NRXN3: variants seen among roughly 807,000 people sequenced by gnomAD.
NRXN3 encodes the protein neurexin III.
In NRXN3, 32 loss-of-function variants were observed where a neutral mutation model predicts 137.6. The ratio of observed to expected loss-of-function variants is 0.23; its 90% CI spans 0.18 to 0.31. The LOEUF (loss-of-function observed/expected upper bound fraction) is 0.31. NRXN3 is among the 10% of genes least tolerant of loss of function. The pLI, the probability that NRXN3 is intolerant of heterozygous loss-of-function variation, is 1.00. For missense variants in NRXN3, 1,574 were observed against 2,062.5 expected (o/e 0.76, Z 4.59); for synonymous variants, 798 against 784.5 (o/e 1.02, Z -0.29).
chr14:79,320,665 A>C (rs2089834858), intron 15 of NRXN3, among the ~76,000 whole-genome samples: 1 of 152,180 alleles, frequency 6.6e-6, no homozygotes, highest in Non-Finnish European at 1.5e-5. Context: ...AGAGAAAAGA[A>C]AAAGGGTATC....
At chr14:79,040,334 AC>A (rs1245102222) in intron 15 of NRXN3, among the ~76,000 whole-genome samples, 3 of 152,236 alleles carry the variant, frequency 2.0e-5, no homozygotes, top group Non-Finnish European at 4.4e-5. Flanking sequence ...AGAAATGTAA[AC>A]AAATACTTCT....
chr14:79,859,941 C>T (rs1423697190), intron 20 of NRXN3, among the ~76,000 whole-genome samples: 1 of 152,094 alleles, frequency 6.6e-6, no homozygotes, highest in East Asian at 1.9e-4. Flanking sequence ...TAAGATTCTT[C>T]CTTTGCTTGG....
intron 2 of NRXN3, among the ~76,000 whole-genome samples, chr14:78,265,550 G>C (rs1009823682): frequency 3.3e-5 from 5 of 152,138 alleles, no homozygotes; most frequent in Non-Finnish European, 5.9e-5. Flanking sequence ...GGCACAAAGA[G>C]TTCAAGGTCA....
At chr14:78,510,321 A>G (rs2096078406) in intron 4 of NRXN3, among the ~76,000 whole-genome samples, 1 of 152,096 alleles carries the variant, frequency 6.6e-6, no homozygotes, top group South Asian at 2.1e-4. Flanking sequence ...TAATAATAAT[A>G]ACAATTAGTT....
intron 20 of NRXN3, among the ~76,000 whole-genome samples, chr14:79,850,073 C>A (rs1032041951): frequency 4.6e-5 from 7 of 152,182 alleles, no homozygotes; most frequent in Non-Finnish European, 8.8e-5. Context: ...AAAATCAAAT[C>A]TATGAAAATG....
chr14:78,219,931 G>C (rs1295965470), intron 1 of NRXN3, among the ~76,000 whole-genome samples: 1 of 152,058 alleles, frequency 6.6e-6, no homozygotes, highest in Non-Finnish European at 1.5e-5. Flanking sequence ...TGGGGATGGA[G>C]GGTAGAAGGG....
At chr14:78,994,647 T>G (rs981602907) in intron 15 of NRXN3, among the ~76,000 whole-genome samples, 3 of 152,234 alleles carry the variant, frequency 2.0e-5, no homozygotes, top group African/African-American at 4.8e-5. Flanking sequence ...CAAAGCATAG[T>G]CATTAATTTA....
chr14:79,099,339 G>T (rs2152836021), intron 15 of NRXN3, among the ~76,000 whole-genome samples: 1 of 152,162 alleles, frequency 6.6e-6, no homozygotes, highest in South Asian at 2.1e-4. Context: ...CAAATATATG[G>T]GATTCCTGAG....
chr14:78,311,774 T>C (rs545608849), intron 4 of NRXN3, among the ~76,000 whole-genome samples: 14 of 152,168 alleles, frequency 9.2e-5, no homozygotes, highest in Non-Finnish European at 1.6e-4. Context: ...AGGATTTCCT[T>C]GTATTACTTG....
At chr14:78,334,401 C>G (rs1330025005) in intron 4 of NRXN3, among the ~76,000 whole-genome samples, 1 of 152,122 alleles carries the variant, frequency 6.6e-6, no homozygotes, top group East Asian at 1.9e-4. Flanking sequence ...AAGCTTCTAG[C>G]CATAGGTCCC....
intron 15 of NRXN3, among the ~76,000 whole-genome samples, chr14:79,010,738 A>G (rs747912132): frequency 1.3e-5 from 2 of 152,182 alleles, no homozygotes; most frequent in East Asian, 1.9e-4. Flanking sequence ...AGCTATTATC[A>G]TTACCCAAAC....
At chr14:79,860,275 G>A (rs1341699939) in intron 20 of NRXN3, among the ~76,000 whole-genome samples, 2 of 152,162 alleles carry the variant, frequency 1.3e-5, no homozygotes, top group African/African-American at 4.8e-5. Context: ...TATCTAGGCT[G>A]AGTATTTTGA....
At position 78,415,483 on chromosome 14, in the gene NRXN3, T is replaced by A. The variant is rs986317456; in HGVS notation, c.757+117623T>A. 4.6e-5 allele frequency among the ~76,000 whole-genome samples: 7 copies of A among 152,052 alleles called. No homozygotes were observed. In the East Asian group the frequency reaches 1.4e-3, roughly 29 times the overall value. ...TTTCATGTAATGTTAGCTTAGTCAT[T>A]TATGTGGTTGCATTCAGCTGTGAAC... is the stretch of plus-strand genomic sequence containing the variant. On this transcript the variant is annotated intron_variant, in intron 4 of 20. Coordinates refer to ENST00000335750, the MANE Select transcript of NRXN3 (RefSeq NM_001330195.2).
chr14:79,108,542 GT>G (rs1457631330), intron 15 of NRXN3, among the ~76,000 whole-genome samples: 2 of 152,122 alleles, frequency 1.3e-5, no homozygotes, highest in Non-Finnish European at 2.9e-5. Context: ...TTCTCTTATA[GT>G]TTTAAACATT....
intron 15 of NRXN3, among the ~76,000 whole-genome samples, chr14:79,231,337 A>T (rs2072157634): frequency 6.6e-6 from 1 of 152,254 alleles, no homozygotes; most frequent in Non-Finnish European, 1.5e-5. Context: ...CTGAGATAGC[A>T]TTTATTTCTC....
chr14:78,448,010 T>A (rs761962947), intron 4 of NRXN3, among the ~76,000 whole-genome samples: 32 of 152,316 alleles, frequency 2.1e-4, no homozygotes, highest in Non-Finnish European at 3.8e-4. Flanking sequence ...CCTTTGTGTG[T>A]TCTATTCTTT....
intron 4 of NRXN3, among the ~76,000 whole-genome samples, chr14:78,579,094 C>T (rs1432644601): frequency 3.9e-5 from 6 of 152,128 alleles, no homozygotes; most frequent in South Asian, 2.1e-4. Context: ...TAGGGACTCA[C>T]GCTTGATCAT....
intron 10 of NRXN3, among the ~76,000 whole-genome samples, chr14:78,816,362 A>G (rs913839192): frequency 1.4e-4 from 21 of 152,130 alleles, no homozygotes; most frequent in Admixed American, 8.5e-4. Context: ...ATATAATTAT[A>G]TCCACGTTCT....
chr14:78,622,006 C>T (rs945577384), intron 4 of NRXN3, among the ~76,000 whole-genome samples: 20 of 152,146 alleles, frequency 1.3e-4, no homozygotes, highest in African/African-American at 4.8e-4. Context: ...TATATGCTTA[C>T]TACCTGTTAG....
Sources: allele counts gnomAD v4.1 joint callset (sites outside exome capture counted in the v4.1 genomes callset), GRCh38; gene constraint gnomAD v4.1.1; transcripts MANE v1.5; gene names NCBI Gene and HGNC (gene_info 2026-07-23, HGNC 2026-07-21).